The following COL25A1 variants were observed in gnomAD, a reference collection of about 807,000 sequenced individuals.
The protein encoded by COL25A1 is collagen alpha-1(XXV) chain.
In COL25A1, 103 loss-of-function variants were observed where a neutral mutation model predicts 128.4. The observed-to-expected ratio is 0.80, with a 90% confidence interval of 0.68 to 0.94. The LOEUF (loss-of-function observed/expected upper bound fraction) is 0.94, where lower values mean the gene tolerates loss of function less well. Ranked by LOEUF, COL25A1 falls within the 40% of genes least tolerant of loss-of-function variation. The pLI is 0.00. For missense variants in COL25A1, 745 were observed against 840.0 expected, an observed-to-expected ratio of 0.89 and a Z score of 1.40; for synonymous variants, 279 against 277.2, an observed-to-expected ratio of 1.01 and a Z score of -0.06.
At chr4:108,950,121 AGCTCTTAG>A (rs1749240050) in intron 8 of COL25A1, among the ~76,000 whole-genome samples, 1 of 152,112 alleles carries the variant, frequency 6.6e-6, no homozygotes, top group African/African-American at 2.4e-5. Context: ...TCCTGCATCA[AGCTCTTAG>A]ACGACCCTTT....
At chr4:108,992,324 T>C (rs933668379) in intron 6 of COL25A1, among the ~76,000 whole-genome samples, 5 of 152,224 alleles carry the variant, frequency 3.3e-5, no homozygotes, top group African/African-American at 1.2e-4. Flanking sequence ...ACTATTTCAC[T>C]ATCCTCTGTT....
At chr4:109,178,939 G>A (rs941967463) in intron 3 of COL25A1, among the ~76,000 whole-genome samples, 1 of 150,572 alleles carries the variant, frequency 6.6e-6, no homozygotes, top group Non-Finnish European at 1.5e-5. Context: ...ATATAAAAGC[G>A]CCTTTGTGAC....
chr4:108,861,012 G>A (rs548521798), intron 22 of COL25A1, 41 bp from the exon 23 acceptor site: 1 of 1,559,346 alleles, frequency 6.4e-7, no homozygotes, highest in Non-Finnish European at 8.8e-7. Context: ...TCAGAAGTGG[G>A]GGAATCTAGA....
intron 11 of COL25A1, among the ~76,000 whole-genome samples, chr4:108,929,369 C>T (rs1033045974): frequency 6.6e-6 from 1 of 151,962 alleles, no homozygotes; most frequent in African/African-American, 2.4e-5. Flanking sequence ...GGTAATTCAC[C>T]CACCTCGGTC....
chr4:109,108,448 G>C, intron 3 of COL25A1, among the ~76,000 whole-genome samples: 1 of 151,998 alleles, frequency 6.6e-6, no homozygotes, highest in Non-Finnish European at 1.5e-5. Context: ...CATTTGGCTT[G>C]GTTCCAAGTC....
intron 8 of COL25A1, among the ~76,000 whole-genome samples, chr4:108,961,957 C>A (rs553077040): frequency 1.3e-5 from 2 of 152,082 alleles, no homozygotes; most frequent in African/African-American, 4.8e-5. Context: ...TTAGATTTTT[C>A]TTCCCCTGCC....
chr4:108,841,892 G>C (rs1324271975), intron 30 of COL25A1, among the ~76,000 whole-genome samples, 171 bp from the exon 31 acceptor site: 3 of 152,136 alleles, frequency 2.0e-5, no homozygotes, highest in Non-Finnish European at 4.4e-5. Context: ...GTTCCTTCCA[G>C]CTCTTGGATT....
chr4:108,990,185 C>A (rs2126010984), intron 6 of COL25A1, among the ~76,000 whole-genome samples: 1 of 114,116 alleles, frequency 8.8e-6, no homozygotes, highest in Admixed American at 1.1e-4. Context: ...GCACTCCAGC[C>A]TGGGCAACAA....
intron 3 of COL25A1, among the ~76,000 whole-genome samples, chr4:109,226,896 T>C (rs1778839995): frequency 6.6e-6 from 1 of 152,108 alleles, no homozygotes; most frequent in South Asian, 2.1e-4. Context: ...GTTGCATGAG[T>C]ATAGCAGTTG....
At chr4:109,081,530 T>G (rs1018382513) in intron 3 of COL25A1, among the ~76,000 whole-genome samples, 1 of 152,080 alleles carries the variant, frequency 6.6e-6, no homozygotes, top group African/African-American at 2.4e-5. Flanking sequence ...CCATTTAGAG[T>G]GTACAACTGA....
chr4:109,036,223 G>A (rs933056876), intron 5 of COL25A1, among the ~76,000 whole-genome samples: 4 of 151,768 alleles, frequency 2.6e-5, no homozygotes, highest in South Asian at 2.1e-4. Flanking sequence ...TACCATGCCC[G>A]GCCCAAACTA....
chr4:108,843,976 C>T (rs1198618323), intron 30 of COL25A1, among the ~76,000 whole-genome samples: 2 of 152,122 alleles, frequency 1.3e-5, no homozygotes, highest in Admixed American at 1.3e-4. Context: ...CAACTCACTG[C>T]AACCTCAGCC....
In COL25A1 at chr4:109,297,988, A is replaced by G. The variant is rs1256752332; in HGVS notation, c.367+2595T>C. Among the ~76,000 whole-genome samples the G allele has an allele frequency of 2.7e-5, 4 of 146,168 alleles. No homozygotes were observed. The East Asian group carries it at 8.1e-4, about 30-fold the overall frequency. ...CCAGGATTCCAATCCGGAATTATCC[A>G]GGTCCAAAACCTATACTTATTCTCT... On this transcript the variant is annotated intron_variant, in intron 3 of 37. Transcript: ENST00000399132.
chr4:109,073,500 C>A (rs1473849535), intron 3 of COL25A1, among the ~76,000 whole-genome samples: 1 of 151,646 alleles, frequency 6.6e-6, no homozygotes, highest in East Asian at 1.9e-4. Flanking sequence ...TAATAAGTGC[C>A]CCCTGGGATT....
chr4:109,139,780 G>A (rs1423778209), intron 3 of COL25A1, among the ~76,000 whole-genome samples: 4 of 151,842 alleles, frequency 2.6e-5, no homozygotes, highest in South Asian at 4.2e-4. Context: ...CCATTAACTC[G>A]TCATTTAACA....
chr4:109,156,653 G>A (rs1772065493), intron 3 of COL25A1, among the ~76,000 whole-genome samples: 1 of 152,062 alleles, frequency 6.6e-6, no homozygotes, highest in South Asian at 2.1e-4. Flanking sequence ...ATATAAGGGG[G>A]AAAGAGTATG....
At chr4:109,065,689 G>A (rs773234725) in intron 3 of COL25A1, among the ~76,000 whole-genome samples, 3 of 151,868 alleles carry the variant, frequency 2.0e-5, no homozygotes, top group African/African-American at 7.3e-5. Context: ...TATTAATTTA[G>A]AGGAAGTCTT....
chr4:109,227,992 G>C (rs904246523), intron 3 of COL25A1, among the ~76,000 whole-genome samples: 1 of 152,120 alleles, frequency 6.6e-6, no homozygotes, highest in Admixed American at 6.6e-5. Flanking sequence ...TCAGGACCTG[G>C]GGCACCACTG....
intron 8 of COL25A1, among the ~76,000 whole-genome samples, chr4:108,951,447 G>A (rs1749423886): frequency 6.7e-6 from 1 of 149,530 alleles, no homozygotes; most frequent in African/African-American, 2.5e-5. Context: ...GTGCAGTGGT[G>A]CTATCTCGGC....
Sources: gnomAD v4.1 joint callset for allele counts (sites outside exome capture counted in the v4.1 genomes callset) on GRCh38, gnomAD v4.1.1 for gene constraint, MANE v1.5 for transcripts, NCBI Gene and HGNC (gene_info 2026-07-23, HGNC 2026-07-21) for gene names.